TSHZ2: variants seen among roughly 807,000 people sequenced by gnomAD.
The protein encoded by TSHZ2 is teashirt homolog 2.
Under a neutral mutation model 74.4 loss-of-function variants are expected in TSHZ2, and 21 were observed. The ratio of observed to expected loss-of-function variants is 0.28; its 90% CI spans 0.20 to 0.41. The LOEUF is 0.41. Among genes scored for constraint, TSHZ2 ranks in the 10% least tolerant of loss-of-function variants. The pLI, the probability that TSHZ2 is intolerant of heterozygous loss-of-function variation, is 1.00. For missense variants in TSHZ2, 1,244 were observed against 1,293.5 expected (o/e 0.96, Z 0.59); for synonymous variants, 540 against 515.3 (o/e 1.05, Z -0.65).
chr20:53,252,211 C>T (rs1990348091), intron 1 of TSHZ2, among the ~76,000 whole-genome samples: 1 of 152,238 alleles, frequency 6.6e-6, no homozygotes, highest in Non-Finnish European at 1.5e-5. Context: ...ATCCCCTTCT[C>T]TTCTAATTCT....
At chr20:53,311,822 C>T (rs1978802065) in intron 2 of TSHZ2, among the ~76,000 whole-genome samples, 2 of 152,198 alleles carry the variant, frequency 1.3e-5, no homozygotes, top group South Asian at 4.1e-4. Flanking sequence ...TGGCTCACAC[C>T]TGTAATCCCA....
At chr20:53,227,201 A>G (rs1989705011) in intron 1 of TSHZ2, among the ~76,000 whole-genome samples, 1 of 151,768 alleles carries the variant, frequency 6.6e-6, no homozygotes, top group Admixed American at 6.6e-5. Context: ...ATCCGGAGAA[A>G]CCCATGCATT....
intron 1 of TSHZ2, among the ~76,000 whole-genome samples, chr20:53,016,043 C>G (rs73284182): frequency 6.6e-6 from 1 of 152,036 alleles, no homozygotes; most frequent in African/African-American, 2.4e-5. Flanking sequence ...ATGTAAATCA[C>G]CATAATGGAC....
Position 53,255,891 on chromosome 20 carries a change from C to G in TSHZ2, c.2433C>G (p.Ala811=), listed in dbSNP as rs535922291. 1 of 1,613,868 alleles carries G rather than the reference C, an allele frequency of 6.2e-7. No homozygotes were observed. Among genetic ancestry groups the G allele is most frequent in the Admixed American group, 1.7e-5 (1 of 60,006 alleles). ...VLPKATTPKP[A]SSSRVPPMKL... is the part of the protein sequence containing the mutation. ...CCAAAGCCACCACCCCAAAGCCAGCCTCCTCCTCCAGGGTCCCCCCCATGA... is the reference window on the plus strand; with the variant it reads ...CCAAAGCCACCACCCCAAAGCCAGCGTCCTCCTCCAGGGTCCCCCCCATGA... Residue 811 remains alanine, a synonymous_variant, in exon 2 of 3, where the codon GCC becomes GCG. Coordinates refer to ENST00000371497, the MANE Select transcript of TSHZ2 (RefSeq NM_173485.6). The surrounding 1 kb of genome is among the most constrained non-coding windows in gnomAD (Gnocchi z 4.1).
In TSHZ2 at chr20:53,258,957, T is replaced by C. The variant is rs117169094; in HGVS notation, c.*8+2386T>C. Among the ~76,000 whole-genome samples the C allele has an allele frequency of 6.1e-3, 930 of 152,286 alleles. 8 individuals carry two copies. The highest frequency in any genetic ancestry group is 0.014 in the South Asian group (67 of 4,816). ...GGTGCAGGTACTGGCTGTGTTTGTG[T>C]TCATCGTAAAAATACTCCTATCTGC... On this transcript the variant is annotated intron_variant, in intron 2 of 2. Transcript: ENST00000371497.
At chr20:53,236,350 A>G (rs1989938242) in intron 1 of TSHZ2, among the ~76,000 whole-genome samples, 1 of 152,202 alleles carries the variant, frequency 6.6e-6, no homozygotes, top group Admixed American at 6.5e-5. Context: ...TACTCTCTGG[A>G]TGCTAAGTTG....
rs748748794 is a variant in TSHZ2 at position 53,254,884 on chromosome 20, G to C, written c.1426G>C (p.Glu476Gln). The change falls in exon 2 of 3, where the codon GAG becomes CAG. Residue 476 changes from glutamate to glutamine, a missense_variant. This residue lies in a region of TSHZ2 where 562 missense variants were observed against 544.0 expected (regional missense o/e 1.03). Coordinates refer to ENST00000371497, the MANE Select transcript of TSHZ2 (RefSeq NM_173485.6). ...AAGGCCAGAGGAAACCAGCAAGGAT[G>C]AGAAAGTCGTGAAAAGCGAGGACTA... ...KERPEETSKD[E>Q]KVVKSEDYED... The C allele has an allele frequency of 1.2e-6, 2 of 1,614,178 alleles. No individual in the cohort carries two copies.
At chr20:53,446,655 A>G (rs977698066) in intron 2 of TSHZ2, among the ~76,000 whole-genome samples, 1 of 151,622 alleles carries the variant, frequency 6.6e-6, no homozygotes, top group African/African-American at 2.4e-5. Context: ...CCTTTTTTAC[A>G]CCTCCTTTTC....
intron 1 of TSHZ2, among the ~76,000 whole-genome samples, chr20:53,039,252 C>T (rs1326902525): frequency 6.6e-6 from 1 of 152,014 alleles, no homozygotes; most frequent in Admixed American, 6.6e-5. Flanking sequence ...GGAACCTACC[C>T]CGATCATCTG....
intron 2 of TSHZ2, chr20:53,398,618 T>C (rs1483044593): frequency 6.6e-6 from 1 of 152,198 alleles, no homozygotes; most frequent in Admixed American, 6.5e-5. Flanking sequence ...GCCAGTGTGA[T>C]GGTGCATGCC....
chr20:53,080,696 G>A (rs1039493782), intron 1 of TSHZ2, among the ~76,000 whole-genome samples: 2 of 152,128 alleles, frequency 1.3e-5, no homozygotes, highest in Non-Finnish European at 2.9e-5. Context: ...CAGAGTTTAG[G>A]TGGTAATGTT....
chr20:53,324,155 C>G (rs1429761848), intron 2 of TSHZ2, among the ~76,000 whole-genome samples: 1 of 152,148 alleles, frequency 6.6e-6, no homozygotes, highest in Non-Finnish European at 1.5e-5. Context: ...TGAGAGAATG[C>G]CTCCACTCAC....
intron 1 of TSHZ2, chr20:53,178,499 A>C (rs1260967826): frequency 6.6e-6 from 1 of 152,234 alleles, no homozygotes; most frequent in Non-Finnish European, 1.5e-5. Flanking sequence ...CCATTGTAAA[A>C]CATGCTGTAG....
chr20:53,253,971 C>A lies in TSHZ2; in HGVS notation c.513C>A (p.Asp171Glu). 6.2e-7 allele frequency: 1 copy of A among 1,614,166 alleles called. No individual in the cohort carries two copies. The highest frequency in any genetic ancestry group is 8.5e-7 in the Non-Finnish European group (1 of 1,180,036). The change falls in exon 2 of 3, where the codon GAC becomes GAA. Residue 171 changes from aspartate (D) to glutamate (E), a missense_variant. Physicochemically the swap from Asp to Glu is conservative, Grantham distance 45. This residue lies in a region of TSHZ2 where 470 missense variants were observed against 456.5 expected (regional missense o/e 1.03). Coordinates refer to ENST00000371497, the MANE Select transcript of TSHZ2 (RefSeq NM_173485.6). ...SNKSDFDWHQ[D>E]ALSKSLQQNL... Reference sequence around the variant, plus strand: ...AGAGTGATTTTGATTGGCACCAAGACGCTCTGTCCAAAAGCCTGCAGCAGA... The same window carrying A: ...AGAGTGATTTTGATTGGCACCAAGAAGCTCTGTCCAAAAGCCTGCAGCAGA...
At chr20:52,997,520 T>A (rs1982249053) in intron 1 of TSHZ2, among the ~76,000 whole-genome samples, 1 of 152,120 alleles carries the variant, frequency 6.6e-6, no homozygotes, top group African/African-American at 2.4e-5. Context: ...ATCTCAAAGA[T>A]GATCTATTTG....
At chr20:53,370,776 A>C (rs1981438995) in intron 2 of TSHZ2, among the ~76,000 whole-genome samples, 1 of 152,170 alleles carries the variant, frequency 6.6e-6, no homozygotes, top group South Asian at 2.1e-4. Flanking sequence ...AAAACAAAAC[A>C]AAACCACGTG....
intron 1 of TSHZ2, among the ~76,000 whole-genome samples, chr20:53,149,095 CTT>C (rs1487562404): frequency 2.0e-5 from 3 of 151,906 alleles, no homozygotes; most frequent in Non-Finnish European, 4.4e-5. Flanking sequence ...CAAGCTGAAA[CTT>C]TTTCTGTCTC....
chr20:53,147,915 C>T (rs997786699), intron 1 of TSHZ2, among the ~76,000 whole-genome samples: 6 of 152,152 alleles, frequency 3.9e-5, no homozygotes, highest in Admixed American at 3.9e-4. Context: ...TGGGGTTTCA[C>T]CATGTTGGTC....
intron 2 of TSHZ2, among the ~76,000 whole-genome samples, chr20:53,373,521 T>C (rs1981551954): frequency 6.6e-6 from 1 of 152,208 alleles, no homozygotes; most frequent in Non-Finnish European, 1.5e-5. Flanking sequence ...TTCTTCTTCT[T>C]GTGTTCTCAA....
Sources: gnomAD v4.1 joint callset for allele counts (sites outside exome capture counted in the v4.1 genomes callset) on GRCh38, gnomAD v4.1.1 for gene constraint, gnomAD v4.1.1 regional missense constraint, Gnocchi (gnomAD v3.1) non-coding constraint, MANE v1.5 for transcripts, NCBI Gene and HGNC (gene_info 2026-07-23, HGNC 2026-07-21) for gene names.